The following MSI2 variants were observed in gnomAD, a reference collection of about 807,000 sequenced individuals.
MSI2 encodes musashi RNA binding protein 2, also known as RNA-binding protein Musashi homolog 2.
A neutral mutation model predicts 45.6 loss-of-function variants in MSI2; 17 were observed. The observed-to-expected ratio is 0.37, with a 90% CI of 0.26 to 0.56. MSI2 has a LOEUF of 0.56. Ranked by LOEUF, MSI2 falls within the 20% of genes least tolerant of loss-of-function variation. The pLI, the probability that MSI2 is intolerant of heterozygous loss-of-function variation, is 0.77. For synonymous variants in MSI2, 156 were observed against 158.2 expected, an observed-to-expected ratio of 0.99 and a Z score of 0.11; for missense variants, 293 against 444.2, an observed-to-expected ratio of 0.66 and a Z score of 3.06.
chr17:57,573,691 C>G (rs2087939047), intron 7 of MSI2, among the ~76,000 whole-genome samples: 1 of 152,216 alleles, frequency 6.6e-6, no homozygotes, highest in Admixed American at 6.5e-5. Context: ...TGTGTTAACA[C>G]TAAGCCTTCC....
the MSI2 span, among the ~76,000 whole-genome samples, chr17:57,699,011 C>T: frequency 2.5e-4 from 18 of 71,894 alleles, no homozygotes; most frequent in South Asian, 7.5e-3. Context: ...GAGGAAGAGG[C>T]GAGGAGAGAG....
Position 57,511,459 on chromosome 17 carries a change from C to T in MSI2, c.406-18217C>T, listed in dbSNP as rs555317123. Reference sequence around the variant, plus strand: ...CTGGAATAGTCATCTTTCCTTCCTGCGTGCCTTGAGACTGGGGCTCCTCGG... The same window carrying T: ...CTGGAATAGTCATCTTTCCTTCCTGTGTGCCTTGAGACTGGGGCTCCTCGG... On this transcript the variant is annotated intron_variant, in intron 6 of 13. Coordinates refer to ENST00000284073, the MANE Select transcript of MSI2 (RefSeq NM_138962.4). Among the ~76,000 whole-genome samples, 7 of 152,278 alleles carry T rather than the reference C, an allele frequency of 4.6e-5. No homozygotes were observed. In the South Asian group the frequency reaches 6.2e-4, roughly 14 times the overall value.
At chr17:57,692,875 G>A in the MSI2 span, among the ~76,000 whole-genome samples, 5 of 147,286 alleles carry the variant, frequency 3.4e-5, no homozygotes, top group African/African-American at 9.9e-5. Flanking sequence ...GTGTGATTAC[G>A]ATGGGTCTAG....
At chr17:57,635,869 G>A (rs1044808002) in intron 10 of MSI2, among the ~76,000 whole-genome samples, 12 of 152,264 alleles carry the variant, frequency 7.9e-5, no homozygotes, top group African/African-American at 1.9e-4. Context: ...TGTGATTAGC[G>A]ATGTGGCCGA....
chr17:57,268,738 A>G (rs1018585988), intron 5 of MSI2, among the ~76,000 whole-genome samples: 1 of 152,132 alleles, frequency 6.6e-6, no homozygotes, highest in Non-Finnish European at 1.5e-5. Flanking sequence ...CGGGAGGCTG[A>G]GGCAGAGAAT....
In MSI2 at chr17:57,261,040, A is replaced by G. The variant is rs116894601; in HGVS notation, c.271-1111A>G. ...AAATAACTGGTAGCATGTTTATACT[A>G]TCTGTGTTACATTTTTACCCAAAGA... On this transcript the variant is annotated intron_variant, in intron 4 of 13. Transcript: ENST00000284073. 1.2e-4 allele frequency among the ~76,000 whole-genome samples: 19 copies of G among 152,372 alleles called. No individual in the cohort carries two copies. In the East Asian group the frequency reaches 3.7e-3, roughly 29 times the overall value.
chr17:57,336,849 G>A (rs1376877273), intron 5 of MSI2, among the ~76,000 whole-genome samples: 2 of 152,184 alleles, frequency 1.3e-5, no homozygotes, highest in Non-Finnish European at 1.5e-5. Flanking sequence ...TCATCTCACG[G>A]TGTCTGAGGG....
At chr17:57,549,061 G>A (rs2087242489) in intron 7 of MSI2, among the ~76,000 whole-genome samples, 1 of 152,152 alleles carries the variant, frequency 6.6e-6, no homozygotes, top group Non-Finnish European at 1.5e-5. Context: ...TTTTTTAAAA[G>A]GCTTGGTCTC....
At chr17:57,383,217 G>A (rs888956538) in intron 5 of MSI2, among the ~76,000 whole-genome samples, 3 of 152,244 alleles carry the variant, frequency 2.0e-5, no homozygotes, top group Non-Finnish European at 2.9e-5. Context: ...GATGTACCCT[G>A]AGTTTTAAGA....
chr17:57,358,265 C>T lies in MSI2; in HGVS notation c.313-43114C>T, dbSNP rs139989932. Reference sequence around the variant, plus strand: ...ATTTGTACCTGTAAAACCAGAATGACTCCTTCAGGCATTTTTTCTCCTGGG... The same window carrying T: ...ATTTGTACCTGTAAAACCAGAATGATTCCTTCAGGCATTTTTTCTCCTGGG... On this transcript the variant is annotated intron_variant, in intron 5 of 13. Coordinates refer to ENST00000284073, the MANE Select transcript of MSI2 (RefSeq NM_138962.4). Among the ~76,000 whole-genome samples, 4 of 152,064 alleles carry T rather than the reference C, an allele frequency of 2.6e-5. No individual in the cohort carries two copies. In the East Asian group the frequency reaches 7.7e-4, roughly 29 times the overall value.
chr17:57,641,164 A>T (rs1461704532), intron 10 of MSI2, among the ~76,000 whole-genome samples: 1 of 152,204 alleles, frequency 6.6e-6, no homozygotes, highest in Non-Finnish European at 1.5e-5. Context: ...CATCTGAAAC[A>T]ACGTCACTCA....
intron 5 of MSI2, among the ~76,000 whole-genome samples, chr17:57,335,068 G>A (rs1211285041): frequency 1.3e-5 from 2 of 151,890 alleles, no homozygotes; most frequent in Non-Finnish European, 2.9e-5. Context: ...TTATTTTCAT[G>A]ACTATTTTTT....
At chr17:57,511,792 C>G (rs2086361775) in intron 6 of MSI2, among the ~76,000 whole-genome samples, 1 of 152,182 alleles carries the variant, frequency 6.6e-6, no homozygotes, top group Admixed American at 6.5e-5. Flanking sequence ...TTTGTTCCCC[C>G]AGGTTTCTTT....
chr17:57,281,410 A>G (rs544824028), intron 5 of MSI2, among the ~76,000 whole-genome samples: 2 of 150,730 alleles, frequency 1.3e-5, no homozygotes, highest in Non-Finnish European at 3.0e-5. Flanking sequence ...ACTGAACTCC[A>G]AAGACTGAAA....
chr17:57,343,857 T>C (rs1915376251), intron 5 of MSI2, among the ~76,000 whole-genome samples: 2 of 152,212 alleles, frequency 1.3e-5, no homozygotes, highest in African/African-American at 4.8e-5. Context: ...AGAACATTCT[T>C]GTCTAGTATT....
intron 6 of MSI2, among the ~76,000 whole-genome samples, chr17:57,511,914 G>A (rs984698077): frequency 6.6e-6 from 1 of 152,072 alleles, no homozygotes; most frequent in Non-Finnish European, 1.5e-5. Flanking sequence ...CCCTGCTCCC[G>A]TGGCTTACAT....
intron 5 of MSI2, among the ~76,000 whole-genome samples, chr17:57,306,011 G>C (rs762928826): frequency 2.0e-5 from 3 of 152,104 alleles, no homozygotes; most frequent in Non-Finnish European, 4.4e-5. Flanking sequence ...TGTCTGTTAT[G>C]TGCCCCTAGG....
chr17:57,700,265 G>A, the MSI2 span, among the ~76,000 whole-genome samples: 1 of 152,094 alleles, frequency 6.6e-6, no homozygotes, highest in African/African-American at 2.4e-5. Flanking sequence ...TGAATATGCC[G>A]GCTTGTGTAA....
chr17:57,607,300 G>A (rs1458702694), intron 8 of MSI2, among the ~76,000 whole-genome samples: 1 of 152,324 alleles, frequency 6.6e-6, no homozygotes, highest in East Asian at 1.9e-4. Flanking sequence ...GTCTCTCAAT[G>A]CCTTTTGCAA....
Sources: allele counts gnomAD v4.1 joint callset (sites outside exome capture counted in the v4.1 genomes callset), GRCh38; gene constraint gnomAD v4.1.1; transcripts MANE v1.5; gene names NCBI Gene and HGNC (gene_info 2026-07-23, HGNC 2026-07-21).